PTBP2: variants seen among roughly 807,000 people sequenced by gnomAD.
PTBP2 encodes the protein polypyrimidine tract binding protein 2.
PTBP2 carries 13 observed loss-of-function variants against 61.4 expected under a neutral mutation model. The ratio of observed to expected loss-of-function variants is 0.21; its 90% confidence interval spans 0.14 to 0.34. PTBP2 has a LOEUF of 0.34. Ranked by LOEUF, PTBP2 falls within the 10% of genes least tolerant of loss-of-function variation. The pLI, the probability that PTBP2 is intolerant of heterozygous loss-of-function variation, is 1.00. For missense variants in PTBP2, 405 were observed against 642.6 expected (o/e 0.63, Z 4.00); for synonymous variants, 215 against 218.5 (o/e 0.98, Z 0.14).
At chr1:96,729,065 C>T (rs1002722948) in intron 2 of PTBP2, among the ~76,000 whole-genome samples, 3 of 152,096 alleles carry the variant, frequency 2.0e-5, no homozygotes, top group Non-Finnish European at 2.9e-5. Flanking sequence ...CTCAGTCACC[C>T]AGGCTGGAGT....
At chr1:96,746,883 C>G (rs1291230604) in intron 2 of PTBP2, among the ~76,000 whole-genome samples, 7 of 41,566 alleles carry the variant, frequency 1.7e-4, no homozygotes, top group African/African-American at 6.5e-4. Context: ...CCCTCCCTCC[C>G]TCCCTCCCTC....
chr1:96,729,832 G>C (rs1417951845), intron 2 of PTBP2, among the ~76,000 whole-genome samples: 1 of 151,004 alleles, frequency 6.6e-6, no homozygotes, highest in Admixed American at 6.6e-5. Context: ...CACGTCCCGG[G>C]TTCACGCGGT....
chr1:96,797,893 A>G (rs1160456981), intron 8 of PTBP2, among the ~76,000 whole-genome samples: 1 of 152,094 alleles, frequency 6.6e-6, no homozygotes, highest in African/African-American at 2.4e-5. Context: ...GAACCCAGAG[A>G]TACAGAGGGC....
chr1:96,788,395 TA>T (rs1368102941), intron 8 of PTBP2, among the ~76,000 whole-genome samples: 9 of 152,128 alleles, frequency 5.9e-5, no homozygotes, highest in Non-Finnish European at 1.3e-4. Context: ...TTCTTCTTCA[TA>T]CGTTTGGTGA....
At chr1:96,819,285 G>C (rs893194270), downstream of PTBP2, 4 of 152,114 alleles carry the variant, frequency 2.6e-5, no homozygotes, top group South Asian at 4.2e-4. Flanking sequence ...TATTCTCTGT[G>C]AGAGTTAGAG....
intron 3 of PTBP2, among the ~76,000 whole-genome samples, chr1:96,753,456 T>TA (rs1480029477): frequency 1.3e-5 from 2 of 152,026 alleles, no homozygotes; most frequent in Admixed American, 6.6e-5. Context: ...GATTAATCAG[T>TA]AATTTAGTTG....
At chr1:96,759,853 G>T (rs547602886) in intron 3 of PTBP2, among the ~76,000 whole-genome samples, 1 of 152,266 alleles carries the variant, frequency 6.6e-6, no homozygotes, top group East Asian at 1.9e-4. Context: ...ATTTATGAAA[G>T]AAACCAGTTT....
At chr1:96,743,807 A>G (rs1394123877) in intron 2 of PTBP2, among the ~76,000 whole-genome samples, 1 of 151,890 alleles carries the variant, frequency 6.6e-6, no homozygotes, top group Non-Finnish European at 1.5e-5. Flanking sequence ...TTTTTTTTAA[A>G]TTTCTAAGCT....
At chr1:96,785,317 G>C (rs966228763) in intron 8 of PTBP2, 63 bp downstream of exon 8, 30 of 1,287,274 alleles carry the variant, frequency 2.3e-5, no homozygotes, top group Non-Finnish European at 3.1e-5. Flanking sequence ...GTACCAGTAA[G>C]TATAATGAAT....
chr1:96,746,848 C>CATCCCT (rs1385781145), intron 2 of PTBP2, among the ~76,000 whole-genome samples: 1 of 42,908 alleles, frequency 2.3e-5, no homozygotes, highest in Non-Finnish European at 4.4e-5. Flanking sequence ...TCCCTCCCTC[C>CATCCCT]CTCCCCCTCC....
intron 2 of PTBP2, among the ~76,000 whole-genome samples, chr1:96,727,620 T>G (rs886734658): frequency 3.3e-5 from 5 of 152,232 alleles, no homozygotes; most frequent in Non-Finnish European, 7.3e-5. Context: ...CACTGTGGAT[T>G]TAATTTGCAT....
chr1:96,779,551 T>C (rs576287793), intron 7 of PTBP2, among the ~76,000 whole-genome samples: 1 of 152,244 alleles, frequency 6.6e-6, no homozygotes, highest in South Asian at 2.1e-4. Flanking sequence ...ACATTTTTGT[T>C]TAATCTTCTG....
chr1:96,746,118 A>G (rs1017726972), intron 2 of PTBP2, among the ~76,000 whole-genome samples: 3 of 152,104 alleles, frequency 2.0e-5, no homozygotes, highest in Non-Finnish European at 4.4e-5. Flanking sequence ...TTTAAGAACA[A>G]TACTGCTGTG....
intron 5 of PTBP2, among the ~76,000 whole-genome samples, chr1:96,775,265 TTGA>T (rs1247488029): frequency 1.3e-5 from 2 of 152,216 alleles, no homozygotes; most frequent in Non-Finnish European, 2.9e-5. Flanking sequence ...TAGCTATTCT[TTGA>T]TGTAGTAAAC....
At position 96,785,193 on chromosome 1, in the gene PTBP2, T is replaced by C. The variant is rs775830513; in HGVS notation, c.843T>C (p.Asp281=). 2 of 1,611,300 alleles carry C rather than the reference T, an allele frequency of 1.2e-6. No individual in the cohort carries two copies. Among genetic ancestry groups the C allele is most frequent in the Non-Finnish European group, 1.7e-6 (2 of 1,178,938 alleles). Residue 281 remains aspartate (D), a synonymous_variant, in exon 8 of 14, where the codon GAT becomes GAC. Transcript: ENST00000674951. Reference sequence around the variant, plus strand: ...CTCGACCTGATCTTCCATCTGGGGATGGACAACCTGCATTGGACCCAGCTA... The same window carrying C: ...CTCGACCTGATCTTCCATCTGGGGACGGACAACCTGCATTGGACCCAGCTA... ...DYTRPDLPSG[D]GQPALDPAIA... is the part of the protein sequence containing the mutation.
chr1:96,761,965 C>CA (rs1553178413), intron 3 of PTBP2, among the ~76,000 whole-genome samples: 1 of 151,642 alleles, frequency 6.6e-6, no homozygotes, highest in Non-Finnish European at 1.5e-5. Context: ...TGCCTTCAAG[C>CA]ATCTGTTTAA....
chr1:96,729,862 A>C (rs1334037172), intron 2 of PTBP2, among the ~76,000 whole-genome samples: 1 of 150,134 alleles, frequency 6.7e-6, no homozygotes, highest in Non-Finnish European at 1.5e-5. Flanking sequence ...TCAGCATCCC[A>C]AGTAGCTGGG....
chr1:96,722,411 C>A (rs1477371452), intron 1 of PTBP2, among the ~76,000 whole-genome samples: 1 of 139,444 alleles, frequency 7.2e-6, no homozygotes, highest in Non-Finnish European at 1.5e-5. Flanking sequence ...GCGGGAGCTC[C>A]GGGGAAAGCC....
At chr1:96,786,615 CAA>C (rs752621699) in intron 8 of PTBP2, among the ~76,000 whole-genome samples, 2 of 152,076 alleles carry the variant, frequency 1.3e-5, no homozygotes, top group Admixed American at 6.5e-5. Context: ...TAGAAAGAAT[CAA>C]AATTTATTGA....
Sources: allele counts gnomAD v4.1 joint callset (sites outside exome capture counted in the v4.1 genomes callset), GRCh38; gene constraint gnomAD v4.1.1; transcripts MANE v1.5; gene names NCBI Gene and HGNC (gene_info 2026-07-23, HGNC 2026-07-21).